CORO2A: variants seen among roughly 807,000 people sequenced by gnomAD.
CORO2A encodes the protein coronin 2A, also known as coronin-2A.
Under a neutral mutation model 62.4 loss-of-function variants are expected in CORO2A, and 47 were observed. The ratio of observed to expected loss-of-function variants is 0.75; its 90% CI spans 0.60 to 0.96. The LOEUF is 0.96. CORO2A is among the 40% of genes least tolerant of loss of function. The probability of loss-of-function intolerance (pLI) is 0.00; values close to 1 mark genes in which losing one functional copy is unlikely to be tolerated. For missense variants in CORO2A, 610 were observed against 684.1 expected (o/e 0.89, Z 1.21); for synonymous variants, 273 against 268.9 (o/e 1.02, Z -0.15).
At chr9:98,180,403 G>A in intron 1 of CORO2A, among the ~76,000 whole-genome samples, 1 of 151,928 alleles carries the variant, frequency 6.6e-6, no homozygotes, top group East Asian at 1.9e-4. Flanking sequence ...CCCCTCGCAG[G>A]CCATGGCTCC....
intron 2 of CORO2A, 23 bp from the exon 3 acceptor site, chr9:98,137,711 G>A (rs1827506950): frequency 6.3e-7 from 1 of 1,578,404 alleles, no homozygotes; most frequent in Non-Finnish European, 8.7e-7. Flanking sequence ...GCCCAGGAGG[G>A]TTGGGGAGGA....
intron 1 of CORO2A, 125 bp from the exon 2 acceptor site, chr9:98,157,785 G>T: frequency 1.3e-6 from 1 of 784,554 alleles, no homozygotes; most frequent in Non-Finnish European, 2.1e-6. Context: ...AACGTGGACG[G>T]TGATGCACTG....
chr9:98,159,090 C>T (rs369308454), intron 1 of CORO2A, among the ~76,000 whole-genome samples: 6 of 146,908 alleles, frequency 4.1e-5, no homozygotes, highest in Admixed American at 2.8e-4. Context: ...GGAAGGATCT[C>T]GCTCTGTCAC....
At chr9:98,153,711 G>A (rs937384408) in intron 2 of CORO2A, among the ~76,000 whole-genome samples, 2 of 147,070 alleles carry the variant, frequency 1.4e-5, no homozygotes, top group African/African-American at 5.1e-5. Context: ...CACACCCCGA[G>A]AGGCAAAATG....
chr9:98,135,057 G>A (rs569252685), intron 3 of CORO2A, 102 bp from the exon 4 acceptor site: 1 of 1,471,654 alleles, frequency 6.8e-7, no homozygotes, highest in South Asian at 1.3e-5. Flanking sequence ...AAGGACCAAG[G>A]GAGCTCTCTC....
chr9:98,157,356 A>C, intron 2 of CORO2A, 104 bp downstream of exon 2: 1 of 988,912 alleles, frequency 1.0e-6, no homozygotes, highest in Non-Finnish European at 1.5e-6. Context: ...TCACACAGCT[A>C]GTAATGGGCA....
In CORO2A at chr9:98,128,198, G is replaced by C; in HGVS notation, c.1143C>G (p.Ala381=). 1.2e-6 allele frequency: 2 copies of C among 1,613,672 alleles called. No homozygotes were observed. Among genetic ancestry groups the C allele is most frequent in the African/African-American group, 1.3e-5 (1 of 75,032 alleles). ...PTAGAQPSLT[A]QEWLSGMNRD... ...GATTCATCCCGCTGAGCCACTCCTG[G>C]GCCGTCAGGGAGGGCTGGGCCCCTG... The change falls in exon 10 of 12, where the codon GCC becomes GCG. Residue 381 remains alanine, a synonymous_variant. Coordinates refer to ENST00000375077, the MANE Select transcript of CORO2A (RefSeq NM_052820.4).
intron 1 of CORO2A, among the ~76,000 whole-genome samples, chr9:98,182,565 A>G (rs1290861596): frequency 6.6e-6 from 1 of 152,198 alleles, no homozygotes; most frequent in Non-Finnish European, 1.5e-5. Context: ...AAGGGCCAGG[A>G]CTCAGGAGCC....
intron 1 of CORO2A, among the ~76,000 whole-genome samples, chr9:98,187,193 G>GAATAGCAT (rs1404492118): frequency 6.7e-6 from 1 of 149,882 alleles, no homozygotes. Context: ...TGAGGCAGGG[G>GAATAGCAT]AATAGCATGA....
intron 1 of CORO2A, among the ~76,000 whole-genome samples, chr9:98,166,810 T>C (rs1322289021): frequency 1.3e-5 from 2 of 152,154 alleles, no homozygotes; most frequent in East Asian, 1.9e-4. Flanking sequence ...AAATGTGGTA[T>C]ATTCAAACCA....
chr9:98,128,458 C>A, intron 9 of CORO2A, 149 bp downstream of exon 9: 1 of 769,298 alleles, frequency 1.3e-6, no homozygotes, highest in Non-Finnish European at 2.2e-6. Context: ...ACTCCTGACG[C>A]CCACTGATGT....
chr9:98,154,224 T>C (rs923953466), intron 2 of CORO2A, among the ~76,000 whole-genome samples: 9 of 151,484 alleles, frequency 5.9e-5, no homozygotes, highest in African/African-American at 2.2e-4. Flanking sequence ...TCATCTTTTT[T>C]ATTTGTGGAA....
In CORO2A at chr9:98,181,890, C is replaced by T. The variant is rs556147730; in HGVS notation, c.-1+10669G>A. Among the ~76,000 whole-genome samples, 8 of 152,350 alleles carry T rather than the reference C, an allele frequency of 5.3e-5. No individual in the cohort carries two copies. The South Asian group carries it at 8.3e-4, about 16-fold the overall frequency. ...AAAGAAAACCATACAAGGAGAGTCACTTCCAAGCTGTGTGACCTCAGACAA... is the reference window on the plus strand; with the variant it reads ...AAAGAAAACCATACAAGGAGAGTCATTTCCAAGCTGTGTGACCTCAGACAA... On this transcript the variant is annotated intron_variant, in intron 1 of 11. Coordinates refer to ENST00000375077, the MANE Select transcript of CORO2A (RefSeq NM_052820.4).
rs753991 is a variant in CORO2A, at chr9:98,123,010, C to G, written c.*1764G>C. On this transcript the variant is annotated 3_prime_UTR_variant, in exon 12 of 12. Transcript: ENST00000375077. ...AGTTTCTGTAGCAAACCCAGATCAC[C>G]CCACAGGTAGTTTTCTCTTAGGTCA... 0.064 allele frequency: 9,779 copies of G among 152,300 alleles called. 416 individuals carry two copies. The highest frequency in any genetic ancestry group is 0.11 in the South Asian group (537 of 4,822). The allele number at this position is 152,300 out of a possible 1,614,324, so 9.4% of individuals were successfully genotyped here.
rs1827399311 is a variant in CORO2A at position 98,131,071 on chromosome 9, G to C, written c.766-12C>G. ...ACAGAGAGGTTATCCTGCAGGGGAA[G>C]GGGAGGCAGGGAAGGCCTGGGTCAC... is the stretch of plus-strand genomic sequence containing the variant. On this transcript the variant is annotated splice_polypyrimidine_tract_variant and intron_variant, in intron 6 of 11. Transcript: ENST00000375077. 5 of 1,594,822 alleles carry C rather than the reference G, an allele frequency of 3.1e-6. No individual in the cohort carries two copies. Among genetic ancestry groups the C allele is most frequent in the African/African-American group, 2.7e-5 (2 of 74,484 alleles).
Position 98,141,609 on chromosome 9 carries a change from C to T in CORO2A, c.202-3921G>A, listed in dbSNP as rs187787303. 4.4e-3 allele frequency among the ~76,000 whole-genome samples: 666 copies of T among 152,296 alleles called. 5 individuals are homozygous for T. Among genetic ancestry groups the T allele is most frequent in the South Asian group, 0.012 (56 of 4,826 alleles). On this transcript the variant is annotated intron_variant, in intron 2 of 11. Transcript: ENST00000375077. ...CCTCAGGTGATCTGCCCGCCTTGGCCTTCCAAAGTGCTGGGATTATAGGCT... is the reference window on the plus strand; with the variant it reads ...CCTCAGGTGATCTGCCCGCCTTGGCTTTCCAAAGTGCTGGGATTATAGGCT...
At chr9:98,137,753 C>T in intron 2 of CORO2A, 65 bp from the exon 3 acceptor site, 4 of 1,199,162 alleles carry the variant, frequency 3.3e-6, no homozygotes, top group Non-Finnish European at 5.0e-6. Context: ...TGGACAGTCA[C>T]ATAGTCAGTT....
chr9:98,131,854 C>A (rs1827413362), intron 6 of CORO2A, among the ~76,000 whole-genome samples: 1 of 152,086 alleles, frequency 6.6e-6, no homozygotes, highest in Non-Finnish European at 1.5e-5. Context: ...GTTAGTACCT[C>A]ATTTGCTCCA....
At chr9:98,163,178 C>T (rs1827908768) in intron 1 of CORO2A, among the ~76,000 whole-genome samples, 1 of 152,212 alleles carries the variant, frequency 6.6e-6, no homozygotes, top group Non-Finnish European at 1.5e-5. Context: ...TTTTGCATCG[C>T]ACTGAGTTTA....
Sources: gnomAD v4.1 joint callset for allele counts (sites outside exome capture counted in the v4.1 genomes callset) on GRCh38, gnomAD v4.1.1 for gene constraint, MANE v1.5 for transcripts, NCBI Gene and HGNC (gene_info 2026-07-23, HGNC 2026-07-21) for gene names.